Variants in RBM17 observed in about 807,000 individuals in gnomAD.
The protein encoded by RBM17 is RNA binding motif protein 17.
RBM17 carries 7 observed loss-of-function variants against 53.2 expected under a neutral mutation model. The ratio of observed to expected loss-of-function variants is 0.13; its 90% CI spans 0.07 to 0.25. RBM17 has a LOEUF of 0.25. Among genes scored for constraint, RBM17 ranks in the 10% least tolerant of loss-of-function variants. The probability of loss-of-function intolerance (pLI) is 1.00; values close to 1 mark genes in which losing one functional copy is unlikely to be tolerated. For missense variants in RBM17, 257 were observed against 496.7 expected (o/e 0.52, Z 4.59); for synonymous variants, 167 against 178.1 (o/e 0.94, Z 0.50).
intron 1 of RBM17, among the ~76,000 whole-genome samples, chr10:6,093,268 C>T (rs933157336): frequency 6.6e-6 from 1 of 152,106 alleles, no homozygotes; most frequent in African/African-American, 2.4e-5. Flanking sequence ...GGCTGGAGTG[C>T]AGTGGTGCAA....
At chr10:6,099,779 T>C (rs1269284107) in intron 2 of RBM17, among the ~76,000 whole-genome samples, 2 of 152,190 alleles carry the variant, frequency 1.3e-5, no homozygotes, top group Non-Finnish European at 2.9e-5. Context: ...TGATTCTGGC[T>C]GGGCGTGGTG....
chr10:6,113,206 A>G, intron 8 of RBM17: 1 of 246,268 alleles, frequency 4.1e-6, no homozygotes, highest in East Asian at 1.0e-4. Flanking sequence ...ACCTATAGGA[A>G]TTATCACTCA....
chr10:6,099,480 C>T (rs1840638027), intron 2 of RBM17, among the ~76,000 whole-genome samples: 1 of 152,078 alleles, frequency 6.6e-6, no homozygotes, highest in South Asian at 2.1e-4. Context: ...CCCCCCTGCC[C>T]ATACCAAAAT....
intron 3 of RBM17, among the ~76,000 whole-genome samples, chr10:6,104,631 C>CA (rs1286589159): frequency 6.6e-6 from 1 of 152,132 alleles, no homozygotes; most frequent in African/African-American, 2.4e-5. Context: ...TTTTTTGACT[C>CA]AAAGTACTAG....
chr10:6,115,872 TAAAAAAAAAA>T lies in RBM17; in HGVS notation c.*329_*338del. Reference sequence around the variant, plus strand: ...TTCAATGATGCAGCATTTCTTGCACTAAAAAAAAAAAAAAAAAAAAAACTAGAAAGTTTTG... The same window carrying T: ...TTCAATGATGCAGCATTTCTTGCACTAAAAAAAAAAAACTAGAAAGTTTTG... On this transcript the variant is annotated 3_prime_UTR_variant, in exon 12 of 12. Transcript: ENST00000379888. The T allele has an allele frequency of 7.3e-6, 1 of 136,692 alleles. No homozygotes were observed. The highest frequency in any genetic ancestry group is 1.5e-5 in the Non-Finnish European group (1 of 64,808). The allele number at this position is 136,692 out of a possible 1,614,324, so 8.5% of individuals were successfully genotyped here.
Position 6,093,924 on chromosome 10 carries a change from A to G in RBM17, c.-18-3124A>G, listed in dbSNP as rs148786373. On this transcript the variant is annotated intron_variant, in intron 1 of 11. Transcript: ENST00000379888. ...AATTTTATGCATGCAAAAAGATTTCACTCTGTTTTTGACTGTGACCCATCA... is the reference window on the plus strand; with the variant it reads ...AATTTTATGCATGCAAAAAGATTTCGCTCTGTTTTTGACTGTGACCCATCA... 1.1e-4 allele frequency among the ~76,000 whole-genome samples: 16 copies of G among 147,696 alleles called. No individual in the cohort carries two copies. In the East Asian group the frequency reaches 3.0e-3, roughly 27 times the overall value.
At chr10:6,106,078 C>T in intron 4 of RBM17, 63 bp from the exon 5 acceptor site, 1 of 1,150,992 alleles carries the variant, frequency 8.7e-7, no homozygotes, top group Non-Finnish European at 1.3e-6. Flanking sequence ...AGGAAGTCAT[C>T]CCAGGTTCAG....
At chr10:6,110,231 C>T in intron 7 of RBM17, 104 bp downstream of exon 7, 1 of 1,074,450 alleles carries the variant, frequency 9.3e-7, no homozygotes, top group Non-Finnish European at 1.3e-6. Flanking sequence ...ATTCAGGACC[C>T]TTGGTGTGTG....
At chr10:6,105,309 A>G (rs1279732333) in intron 4 of RBM17, among the ~76,000 whole-genome samples, 3 of 152,356 alleles carry the variant, frequency 2.0e-5, no homozygotes, top group East Asian at 3.9e-4. Context: ...CCTAAAGTGT[A>G]TATTTTGAGT....
Position 6,101,336 on chromosome 10 carries a change from A to G in RBM17, c.189A>G (p.Ser63=). The change falls in exon 3 of 12, where the codon TCA becomes TCG. Residue 63 remains serine (S), a synonymous_variant. Coordinates refer to ENST00000379888, the MANE Select transcript of RBM17 (RefSeq NM_032905.5). ...TTGACCTGAAGCGAGGTGGCTCCTC[A>G]GATGACCGGCAAATTGTGGACACTC... is the stretch of plus-strand genomic sequence containing the variant. ...PVIDLKRGGS[S]DDRQIVDTPP... 1 of 1,613,738 alleles carries G rather than the reference A, an allele frequency of 6.2e-7. No homozygotes were observed. The highest frequency in any genetic ancestry group is 8.5e-7 in the Non-Finnish European group (1 of 1,179,910).
At position 6,112,415 on chromosome 10, in the gene RBM17, T is replaced by C. The variant is rs752620238; in HGVS notation, c.856+54T>C. The C allele has an allele frequency of 6.3e-7, 1 of 1,599,006 alleles. No individual in the cohort carries two copies. Among genetic ancestry groups the C allele is most frequent in the South Asian group, 1.1e-5 (1 of 89,894 alleles). On this transcript the variant is annotated intron_variant, in intron 8 of 11. Transcript: ENST00000379888. The surrounding 1 kb of genome is among the most constrained non-coding windows in gnomAD (Gnocchi z 4.4). ...AGGGAAAGGACTGGCCCCATCCATA[T>C]CAGACATGGCCAGTCTTGATCCTCA...
chr10:6,100,962 T>C (rs1840661361), intron 2 of RBM17, among the ~76,000 whole-genome samples: 1 of 152,172 alleles, frequency 6.6e-6, no homozygotes, highest in African/African-American at 2.4e-5. Flanking sequence ...AGATTCATAA[T>C]AAAGGAGATA....
chr10:6,093,941 G>A (rs552933095), intron 1 of RBM17, among the ~76,000 whole-genome samples: 4 of 149,624 alleles, frequency 2.7e-5, no homozygotes, highest in African/African-American at 9.8e-5. Context: ...TTTTGACTGT[G>A]ACCCATCACA....
At chr10:6,097,525 C>T (rs1283813587) in intron 2 of RBM17, among the ~76,000 whole-genome samples, 6 of 152,192 alleles carry the variant, frequency 3.9e-5, no homozygotes, top group South Asian at 4.2e-4. Flanking sequence ...GGTGAAACAC[C>T]GCGGGCGCAG....
At chr10:6,093,036 C>T (rs1319783290) in intron 1 of RBM17, among the ~76,000 whole-genome samples, 1 of 152,118 alleles carries the variant, frequency 6.6e-6, no homozygotes, top group African/African-American at 2.4e-5. Flanking sequence ...AATATTGAAT[C>T]TATTGATGGA....
In RBM17 at chr10:6,092,266, T is replaced by C. The variant is rs549872848; in HGVS notation, c.-19+3073T>C. Among the ~76,000 whole-genome samples, 64 of 152,382 alleles carry C rather than the reference T, an allele frequency of 4.2e-4. 1 individual carries two copies. The highest frequency in any genetic ancestry group is 4.0e-3 in the Admixed American group (62 of 15,310). On this transcript the variant is annotated intron_variant, in intron 1 of 11. Transcript: ENST00000379888. Reference sequence around the variant, plus strand: ...CAGACCTAATGAAATAAATGTGTTATGTTGTCTAAGTAATAATGTCAACGT... The same window carrying C: ...CAGACCTAATGAAATAAATGTGTTACGTTGTCTAAGTAATAATGTCAACGT...
At chr10:6,107,261 GC>G (rs1437344560) in intron 5 of RBM17, among the ~76,000 whole-genome samples, 4 of 150,568 alleles carry the variant, frequency 2.7e-5, no homozygotes, top group Non-Finnish European at 5.9e-5. Flanking sequence ...ACCACAACCT[GC>G]AACCTCCTGG....
At chr10:6,107,477 C>CTTTTT (rs1840769953) in intron 5 of RBM17, among the ~76,000 whole-genome samples, 1 of 27,574 alleles carries the variant, frequency 3.6e-5, no homozygotes, top group Non-Finnish European at 9.8e-5. Context: ...TGCACCCGGC[C>CTTTTT]TCTTTTTTTT....
intron 4 of RBM17, among the ~76,000 whole-genome samples, chr10:6,105,393 A>G (rs1437567871): frequency 6.6e-6 from 1 of 152,226 alleles, no homozygotes; most frequent in Admixed American, 6.5e-5. Flanking sequence ...CTATAGGTTG[A>G]CTATCCCTTA....
Sources: allele counts gnomAD v4.1 joint callset (sites outside exome capture counted in the v4.1 genomes callset), GRCh38; gene constraint gnomAD v4.1.1; non-coding constraint Gnocchi (gnomAD v3.1); transcripts MANE v1.5; gene names NCBI Gene and HGNC (gene_info 2026-07-23, HGNC 2026-07-21).